The following WWC1 variants were observed in gnomAD, a reference collection of about 807,000 sequenced individuals.
WWC1 encodes protein KIBRA.
Under a neutral mutation model 138.4 loss-of-function variants are expected in WWC1, and 55 were observed. That is an observed-to-expected ratio of 0.40 (90% confidence interval 0.32 to 0.50). The LOEUF (loss-of-function observed/expected upper bound fraction) is 0.50. Ranked by LOEUF, WWC1 falls within the 20% of genes least tolerant of loss-of-function variation. The pLI, the probability that WWC1 is intolerant of heterozygous loss-of-function variation, is 0.72. For missense variants in WWC1, 1,226 were observed against 1,420.4 expected (o/e 0.86, Z 2.20); for synonymous variants, 524 against 564.9 (o/e 0.93, Z 1.03).
chr5:168,428,173 C>A, intron 12 of WWC1, 32 bp downstream of exon 12: 1 of 1,592,850 alleles, frequency 6.3e-7, no homozygotes, highest in Non-Finnish European at 8.6e-7. Flanking sequence ...CTCTCTGTGG[C>A]CCTGTAAGCC....
At chr5:168,412,166 C>G in intron 8 of WWC1, 5 of 985,470 alleles carry the variant, frequency 5.1e-6, no homozygotes, top group Non-Finnish European at 4.8e-6. Flanking sequence ...GCAGTGCTCT[C>G]TCTGGAGTTG....
At position 168,414,482 on chromosome 5, in the gene WWC1, C is replaced by G. The variant is rs1396270189; in HGVS notation, c.1076C>G (p.Pro359Arg). 1 of 1,563,072 alleles carries G rather than the reference C, an allele frequency of 6.4e-7. No homozygotes were observed. The highest frequency in any genetic ancestry group is 1.4e-5 in the African/African-American group (1 of 73,740). ...CTGAAGGAGATGCGCTTCATCAGCC[C>G]CCGCAAGTGGACCCAGGGGGAGGTG... ...ELLKEMRFIS[P>R]RKWTQGEVEQ... is the part of the protein sequence containing the mutation. The change falls in exon 9 of 23, where the codon CCC (proline) becomes CGC (arginine). Residue 359 changes from proline to arginine, a missense_variant. Around this residue, in one of 3 missense-constraint regions of WWC1, gnomAD observed 1,016 missense variants for 1,153.9 expected, o/e 0.88. Transcript: ENST00000265293.
chr5:168,464,658 C>G, intron 20 of WWC1, 71 bp from the exon 21 acceptor site: 1 of 1,586,336 alleles, frequency 6.3e-7, no homozygotes, highest in South Asian at 1.1e-5. Context: ...ATTTGAGGGT[C>G]AGAGGAAGAG....
At chr5:168,363,905 C>T (rs1382524973) in intron 1 of WWC1, among the ~76,000 whole-genome samples, 1 of 152,128 alleles carries the variant, frequency 6.6e-6, no homozygotes, top group Non-Finnish European at 1.5e-5. Flanking sequence ...CACCGTGTAT[C>T]TCTTAGGGTG....
intron 5 of WWC1, among the ~76,000 whole-genome samples, chr5:168,405,229 A>G (rs947725271): frequency 2.6e-5 from 4 of 152,144 alleles, no homozygotes; most frequent in Non-Finnish European, 4.4e-5. Context: ...AGCTCAACAC[A>G]TGCTTATTAA....
At chr5:168,356,234 C>T (rs1314359240) in intron 1 of WWC1, among the ~76,000 whole-genome samples, 1 of 152,228 alleles carries the variant, frequency 6.6e-6, no homozygotes, top group Non-Finnish European at 1.5e-5. Context: ...TGTAAGGCTT[C>T]ATTCTGGAGA....
At chr5:168,337,962 C>T (rs749119377) in intron 1 of WWC1, among the ~76,000 whole-genome samples, 2 of 152,078 alleles carry the variant, frequency 1.3e-5, no homozygotes, top group Non-Finnish European at 2.9e-5. Context: ...TTGGAGAAGA[C>T]GCCAGGACCT....
At chr5:168,363,045 A>G (rs1775996710) in intron 1 of WWC1, among the ~76,000 whole-genome samples, 2 of 152,174 alleles carry the variant, frequency 1.3e-5, no homozygotes, top group South Asian at 2.1e-4. Flanking sequence ...AGGAGATCTA[A>G]GGGTGGAAAA....
At chr5:168,398,631 C>T (rs1169253594) in intron 4 of WWC1, among the ~76,000 whole-genome samples, 1 of 151,186 alleles carries the variant, frequency 6.6e-6, no homozygotes, top group Non-Finnish European at 1.5e-5. Context: ...AGTGAAATTA[C>T]TTGCTCGTGG....
chr5:168,420,049 G>T (rs1780966270), intron 9 of WWC1, among the ~76,000 whole-genome samples: 1 of 152,166 alleles, frequency 6.6e-6, no homozygotes, highest in African/African-American at 2.4e-5. Context: ...CTCCTTTGCT[G>T]ACTGTTGCCA....
intron 3 of WWC1, among the ~76,000 whole-genome samples, chr5:168,391,491 C>T (rs1778485325): frequency 2.0e-5 from 3 of 151,690 alleles, no homozygotes; most frequent in Admixed American, 2.0e-4. Flanking sequence ...AACTCCATCT[C>T]TACTAAAAGT....
At chr5:168,441,589 G>GT in intron 15 of WWC1, 93 bp from the exon 16 acceptor site, 1 of 1,423,134 alleles carries the variant, frequency 7.0e-7, no homozygotes, top group Non-Finnish European at 9.6e-7. Context: ...CTGGAGTGGT[G>GT]TTTTTTCCAT....
chr5:168,359,223 T>A (rs973658422), intron 1 of WWC1, among the ~76,000 whole-genome samples: 4 of 152,056 alleles, frequency 2.6e-5, no homozygotes, highest in African/African-American at 9.7e-5. Context: ...GTCTGGCTAA[T>A]TTTTTTGTAT....
rs528596424 is a variant in WWC1 at position 168,379,462 on chromosome 5, C to T, written c.230-5749C>T. On this transcript the variant is annotated intron_variant, in intron 2 of 22. Transcript: ENST00000265293. ...TCACCCAGGCTGGAGTGCAATGGCG[C>T]GATCTTGGCTCACTGCAACCTCTGC... Among the ~76,000 whole-genome samples the T allele has an allele frequency of 4.6e-5, 7 of 152,164 alleles. No homozygotes were observed. In the South Asian group the frequency reaches 1.2e-3, roughly 27 times the overall value.
At position 168,469,089 on chromosome 5, in the gene WWC1, T is replaced by C. The variant is rs1757552360; in HGVS notation, c.*72T>C. 8.9e-6 allele frequency: 14 copies of C among 1,580,294 alleles called. No individual in the cohort carries two copies. In the South Asian group the frequency reaches 1.6e-4, roughly 18 times the overall value. On this transcript the variant is annotated 3_prime_UTR_variant, in exon 23 of 23. Transcript: ENST00000265293. ...TTGACTGTGGCTAAAGTTATTTATG[T>C]GGTGTTATATGAAGGTACTGAGTCA...
chr5:168,412,148 A>G (rs1582205042), intron 8 of WWC1: 2 of 985,394 alleles, frequency 2.0e-6, no homozygotes, highest in East Asian at 2.3e-4. Flanking sequence ...TTGAGACACT[A>G]AAGGACTGCA....
chr5:168,441,140 A>C (rs574699870), intron 15 of WWC1, among the ~76,000 whole-genome samples: 1 of 152,214 alleles, frequency 6.6e-6, no homozygotes, highest in Non-Finnish European at 1.5e-5. Context: ...CCTTGAAGGC[A>C]TTGTTAAGTT....
intron 6 of WWC1, among the ~76,000 whole-genome samples, chr5:168,406,737 C>A (rs377225670): frequency 4.6e-5 from 7 of 151,770 alleles, no homozygotes; most frequent in Admixed American, 3.9e-4. Context: ...GTCAGGAGAT[C>A]GAGACCATCC....
At position 168,319,645 on chromosome 5, in the gene WWC1, C is replaced by T. The variant is rs146075537; in HGVS notation, c.119+27374C>T. Among the ~76,000 whole-genome samples, 896 of 152,206 alleles carry T rather than the reference C, an allele frequency of 5.9e-3. 7 individuals carry two copies. Among genetic ancestry groups the T allele is most frequent in the African/African-American group, 0.02 (848 of 41,542 alleles). Reference sequence around the variant, plus strand: ...CCTCCTGAGTAGTTGGGACCACAGGCGTGAGCCACTGCACCCAGCTCATTT... The same window carrying T: ...CCTCCTGAGTAGTTGGGACCACAGGTGTGAGCCACTGCACCCAGCTCATTT... On this transcript the variant is annotated intron_variant, in intron 1 of 22. Transcript: ENST00000265293.
Sources: gnomAD v4.1 joint callset for allele counts (sites outside exome capture counted in the v4.1 genomes callset) on GRCh38, gnomAD v4.1.1 for gene constraint, gnomAD v4.1.1 regional missense constraint, MANE v1.5 for transcripts, NCBI Gene and HGNC (gene_info 2026-07-23, HGNC 2026-07-21) for gene names.